Variants in PIK3C2G observed in about 807,000 individuals in gnomAD.
The protein encoded by PIK3C2G is phosphatidylinositol 3-kinase C2 domain-containing subunit gamma.
PIK3C2G carries 168 observed loss-of-function variants against 181.1 expected under a neutral mutation model. The observed-to-expected ratio is 0.93, with a 90% CI of 0.82 to 1.05. The LOEUF (loss-of-function observed/expected upper bound fraction) is 1.05. Among genes scored for constraint, PIK3C2G ranks in the 50% least tolerant of loss-of-function variants. The pLI is 0.00. For missense variants in PIK3C2G, 1,869 were observed against 1,732.8 expected (o/e 1.08, Z -1.40); for synonymous variants, 573 against 592.2 (o/e 0.97, Z 0.47).
intron 29 of PIK3C2G, among the ~76,000 whole-genome samples, chr12:18,586,308 AAGAT>A (rs1354023709): frequency 2.6e-5 from 4 of 152,206 alleles, no homozygotes; most frequent in Admixed American, 6.5e-5. Context: ...AAAAATTAGT[AAGAT>A]AGATAGGCCA....
At chr12:18,452,326 C>A (rs968618780) in intron 18 of PIK3C2G, among the ~76,000 whole-genome samples, 1 of 151,956 alleles carries the variant, frequency 6.6e-6, no homozygotes, top group Admixed American at 6.6e-5. Flanking sequence ...GGAATTTATC[C>A]ATTTCTTCTA....
At chr12:18,583,526 G>C (rs756062638) in intron 29 of PIK3C2G, among the ~76,000 whole-genome samples, 3 of 152,124 alleles carry the variant, frequency 2.0e-5, no homozygotes, top group Non-Finnish European at 4.4e-5. Context: ...CTGTTTTGCA[G>C]CCCTTGTCCT....
chr12:18,389,301 C>T (rs921075840), intron 14 of PIK3C2G, among the ~76,000 whole-genome samples: 8 of 150,386 alleles, frequency 5.3e-5, no homozygotes, highest in Admixed American at 3.3e-4. Context: ...TGCAGTGAGC[C>T]GAAATGGTGC....
At chr12:18,531,420 A>G (rs1193958979) in intron 24 of PIK3C2G, among the ~76,000 whole-genome samples, 1 of 152,248 alleles carries the variant, frequency 6.6e-6, no homozygotes, top group Non-Finnish European at 1.5e-5. Flanking sequence ...ACAGAATTAC[A>G]GTACAGTTCC....
At position 18,254,853 on chromosome 12, in the gene PIK3C2G, A is replaced by AAAT. The variant is rs974094112; in HGVS notation, c.-79+6790_-79+6792dup. 2.8e-4 allele frequency among the ~76,000 whole-genome samples: 43 copies of AAAT among 151,750 alleles called. 1 individual carries two copies. The highest frequency in any genetic ancestry group is 2.5e-3 in the East Asian group (13 of 5,160). ...GGTGACAGAGTGAGACTCTGTCTCA[A>AAAT]AATAATAATAATAATAATAATTTCT... On this transcript the variant is annotated intron_variant, in intron 1 of 11. Coordinates refer to the PIK3C2G transcript ENST00000535651.
At chr12:18,421,116 T>C (rs1320670085) in intron 17 of PIK3C2G, 82 bp downstream of exon 17, 1 of 695,348 alleles carries the variant, frequency 1.4e-6, no homozygotes, top group Admixed American at 2.5e-5. Flanking sequence ...AACAATAGTC[T>C]ATCTAGAAGT....
chr12:18,409,005 C>A (rs1208547915), intron 16 of PIK3C2G, among the ~76,000 whole-genome samples: 1 of 152,092 alleles, frequency 6.6e-6, no homozygotes, highest in Non-Finnish European at 1.5e-5. Flanking sequence ...CCTCAAGGAT[C>A]TAGAACTAGA....
At chr12:18,650,700 GTGTGTATATATCTA>G (rs1950439147), downstream of PIK3C2G, among the ~76,000 whole-genome samples, 29 of 43,824 alleles carry the variant, frequency 6.6e-4, 1 homozygote, top group Non-Finnish European at 1.0e-3. Flanking sequence ...GTGTGTGTGT[GTGTGTATATATCTA>G]TATATATATA....
At chr12:18,721,546 T>A in the PIK3C2G span, among the ~76,000 whole-genome samples, 1 of 152,046 alleles carries the variant, frequency 6.6e-6, no homozygotes, top group South Asian at 2.1e-4. Flanking sequence ...TCTTTTAATT[T>A]ACCACCTGAA....
chr12:18,371,083 A>T, intron 12 of PIK3C2G, 97 bp from the exon 13 acceptor site: 2 of 969,870 alleles, frequency 2.1e-6, no homozygotes, highest in Non-Finnish European at 2.8e-6. Context: ...TCAAATAGTT[A>T]AATATCTTTG....
At chr12:18,356,486 T>C (rs1940744105) in intron 11 of PIK3C2G, among the ~76,000 whole-genome samples, 3 of 152,132 alleles carry the variant, frequency 2.0e-5, no homozygotes, top group Admixed American at 2.0e-4. Flanking sequence ...CCAGAGGACA[T>C]GTGTTACAGT....
chr12:18,563,944 TA>T (rs1945481598), intron 28 of PIK3C2G, among the ~76,000 whole-genome samples: 1 of 149,542 alleles, frequency 6.7e-6, no homozygotes, highest in African/African-American at 2.4e-5. Context: ...CATATTTAAT[TA>T]TATATAATTA....
chr12:18,248,879 G>C (rs747742428), intron 1 of PIK3C2G, among the ~76,000 whole-genome samples: 18 of 152,012 alleles, frequency 1.2e-4, no homozygotes, highest in Admixed American at 9.2e-4. Context: ...ACTACTTCCA[G>C]GCATGATAAT....
At chr12:18,508,632 C>T (rs1338643207) in intron 24 of PIK3C2G, among the ~76,000 whole-genome samples, 1 of 152,110 alleles carries the variant, frequency 6.6e-6, no homozygotes, top group Admixed American at 6.5e-5. Flanking sequence ...GATGTATTAA[C>T]CCACTTATGC....
chr12:18,638,009 T>G (rs2136777283), intron 31 of PIK3C2G, among the ~76,000 whole-genome samples: 1 of 152,330 alleles, frequency 6.6e-6, no homozygotes, highest in South Asian at 2.1e-4. Context: ...TTTATGTTCT[T>G]TCTACCATTA....
chr12:18,555,468 C>G (rs1021129717), intron 26 of PIK3C2G, among the ~76,000 whole-genome samples: 5 of 152,138 alleles, frequency 3.3e-5, no homozygotes, highest in African/African-American at 1.2e-4. Context: ...TGCCCATTCA[C>G]ACACACAGTG....
intron 5 of PIK3C2G, among the ~76,000 whole-genome samples, chr12:18,302,532 G>T (rs186304772): frequency 2.4e-4 from 37 of 152,292 alleles, no homozygotes; most frequent in Middle Eastern, 3.4e-3. Context: ...GGGCACTGAT[G>T]ACAGGCATTT....
chr12:18,719,722 A>G, the PIK3C2G span: 1 of 809,518 alleles, frequency 1.2e-6, no homozygotes, highest in Non-Finnish European at 1.9e-6. Flanking sequence ...CTTACTCAGT[A>G]GTAGAGCATA....
At chr12:18,248,537 C>T (rs1385227303) in intron 1 of PIK3C2G, among the ~76,000 whole-genome samples, 1 of 152,184 alleles carries the variant, frequency 6.6e-6, no homozygotes, top group Non-Finnish European at 1.5e-5. Flanking sequence ...CGCCACTGCA[C>T]TCCAGCCTGG....
Sources: allele counts gnomAD v4.1 joint callset (sites outside exome capture counted in the v4.1 genomes callset), GRCh38; gene constraint gnomAD v4.1.1; transcripts MANE v1.5; gene names NCBI Gene and HGNC (gene_info 2026-07-23, HGNC 2026-07-21).